PDE8B: variants seen among roughly 807,000 people sequenced by gnomAD.
PDE8B encodes high affinity cAMP-specific and IBMX-insensitive 3',5'-cyclic phosphodiesterase 8B.
PDE8B carries 26 observed loss-of-function variants against 101.3 expected under a neutral mutation model. That is an observed-to-expected ratio of 0.26 (90% CI 0.19 to 0.36). The LOEUF is 0.36. PDE8B is among the 10% of genes least tolerant of loss of function. The pLI is 1.00. For synonymous variants in PDE8B, 424 were observed against 429.3 expected, an observed-to-expected ratio of 0.99 and a Z score of 0.15; for missense variants, 810 against 1,163.1, an observed-to-expected ratio of 0.70 and a Z score of 4.42.
At chr5:77,358,388 C>A (rs187876208) in intron 10 of PDE8B, 35 of 969,672 alleles carry the variant, frequency 3.6e-5, no homozygotes, top group Non-Finnish European at 1.6e-5. Context: ...CTCTACCCTG[C>A]AAAGAGGGAG....
the PDE8B span, among the ~76,000 whole-genome samples, chr5:77,181,789 T>C: frequency 6.6e-6 from 1 of 152,082 alleles, no homozygotes; most frequent in Admixed American, 6.5e-5. Flanking sequence ...GGACGTGCAG[T>C]GCTAACCTAG....
chr5:77,179,966 TTTAAAA>T, the PDE8B span, among the ~76,000 whole-genome samples: 1 of 152,176 alleles, frequency 6.6e-6, no homozygotes, highest in Non-Finnish European at 1.5e-5. Flanking sequence ...TGAAAATCTC[TTTAAAA>T]TTATAGTGTA....
the PDE8B span, among the ~76,000 whole-genome samples, chr5:77,107,391 A>G: frequency 1.3e-5 from 2 of 152,142 alleles, no homozygotes; most frequent in Admixed American, 1.3e-4. Context: ...GCTAAATTCA[A>G]CTTTTTCATT....
intron 1 of PDE8B, among the ~76,000 whole-genome samples, chr5:77,283,371 A>G (rs1765392842): frequency 6.6e-6 from 1 of 152,174 alleles, no homozygotes; most frequent in South Asian, 2.1e-4. Flanking sequence ...CATAGTTTAC[A>G]TTAGGGTTCA....
At chr5:77,130,745 T>A in the PDE8B span, among the ~76,000 whole-genome samples, 2 of 152,174 alleles carry the variant, frequency 1.3e-5, no homozygotes, top group East Asian at 1.9e-4. Flanking sequence ...TACTTTTACA[T>A]GAGTTGGGTT....
chr5:77,220,875 C>T (rs1750955408), intron 1 of PDE8B, among the ~76,000 whole-genome samples: 2 of 152,106 alleles, frequency 1.3e-5, no homozygotes, highest in African/African-American at 4.8e-5. Context: ...TGTTATTAAC[C>T]TCACATTGCT....
chr5:77,413,022 A>C (rs1794862191), intron 16 of PDE8B, 89 bp from the exon 17 acceptor site: 1 of 1,066,422 alleles, frequency 9.4e-7, no homozygotes, highest in Non-Finnish European at 1.5e-6. Context: ...CATCAGAAGA[A>C]AAATGCTTCC....
the PDE8B span, among the ~76,000 whole-genome samples, chr5:77,163,472 G>A: frequency 6.6e-6 from 1 of 152,154 alleles, no homozygotes; most frequent in African/African-American, 2.4e-5. Flanking sequence ...AAAAAAGGTG[G>A]TTATCTACTG....
chr5:77,120,543 A>C, the PDE8B span, among the ~76,000 whole-genome samples: 2 of 152,384 alleles, frequency 1.3e-5, no homozygotes, highest in African/African-American at 4.8e-5. Context: ...ATAGATTAGT[A>C]GATGGATAGA....
chr5:77,142,024 G>A, the PDE8B span: 32 of 152,202 alleles, frequency 2.1e-4, no homozygotes, highest in African/African-American at 7.7e-4. Context: ...GGAATAAAAT[G>A]TGCATGTCAT....
At chr5:77,099,032 T>C in the PDE8B span, among the ~76,000 whole-genome samples, 1 of 152,224 alleles carries the variant, frequency 6.6e-6, no homozygotes, top group African/African-American at 2.4e-5. Flanking sequence ...ATTCAAACCA[T>C]AGCCATCATC....
intron 14 of PDE8B, among the ~76,000 whole-genome samples, chr5:77,411,351 C>T (rs1794527999): frequency 6.6e-6 from 1 of 152,216 alleles, no homozygotes; most frequent in South Asian, 2.1e-4. Context: ...AGCAAGGTCA[C>T]TCCTGTGATT....
chr5:77,380,442 T>C (rs1002989040), intron 10 of PDE8B, among the ~76,000 whole-genome samples: 29 of 152,248 alleles, frequency 1.9e-4, no homozygotes, highest in African/African-American at 5.3e-4. Flanking sequence ...ACTCTTTGCC[T>C]GTCAGATTTG....
At chr5:77,289,599 C>T (rs1338551877) in intron 1 of PDE8B, among the ~76,000 whole-genome samples, 3 of 152,212 alleles carry the variant, frequency 2.0e-5, no homozygotes, top group African/African-American at 7.2e-5. Flanking sequence ...TGACCTCTCA[C>T]TTATGTGCGA....
At chr5:77,281,075 G>A (rs1464877149) in intron 1 of PDE8B, among the ~76,000 whole-genome samples, 3 of 152,316 alleles carry the variant, frequency 2.0e-5, no homozygotes, top group Admixed American at 6.5e-5. Context: ...GAATGCATGC[G>A]CAAGCCCCAG....
intron 1 of PDE8B, among the ~76,000 whole-genome samples, chr5:77,219,264 C>T (rs1372950403): frequency 6.6e-6 from 1 of 152,176 alleles, no homozygotes; most frequent in Non-Finnish European, 1.5e-5. Flanking sequence ...TGCTGTCAGA[C>T]ACAGTATATT....
chr5:77,360,361 C>G (rs934235662), intron 10 of PDE8B, among the ~76,000 whole-genome samples: 18 of 152,258 alleles, frequency 1.2e-4, no homozygotes, highest in African/African-American at 4.3e-4. Flanking sequence ...TAATTAAGCC[C>G]AAGAGACTTA....
At chr5:77,265,456 T>G (rs1301340610) in intron 1 of PDE8B, among the ~76,000 whole-genome samples, 1 of 152,256 alleles carries the variant, frequency 6.6e-6, no homozygotes, top group African/African-American at 2.4e-5. Context: ...TTCTGTGCTC[T>G]TTCCAATGTT....
the PDE8B span, among the ~76,000 whole-genome samples, chr5:77,199,321 A>G: frequency 6.6e-6 from 1 of 152,220 alleles, no homozygotes; most frequent in Non-Finnish European, 1.5e-5. Flanking sequence ...ACTTCAAGTG[A>G]CTTATAAATG....
Sources: gnomAD v4.1 joint callset for allele counts (sites outside exome capture counted in the v4.1 genomes callset) on GRCh38, gnomAD v4.1.1 for gene constraint, MANE v1.5 for transcripts, NCBI Gene and HGNC (gene_info 2026-07-23, HGNC 2026-07-21) for gene names.